DMBT1: variants seen among roughly 807,000 people sequenced by gnomAD.
DMBT1 encodes the protein deleted in malignant brain tumors 1, also known as scavenger receptor cysteine-rich domain-containing protein DMBT1.
DMBT1 carries 198 observed loss-of-function variants against 252.9 expected under a neutral mutation model. That is an observed-to-expected ratio of 0.78 (90% CI 0.70 to 0.88). The LOEUF (loss-of-function observed/expected upper bound fraction) is 0.88, where lower values mean the gene tolerates loss of function less well. Ranked by LOEUF, DMBT1 falls within the 40% of genes least tolerant of loss-of-function variation. The pLI is 0.00. For missense variants in DMBT1, 2,432 were observed against 2,404.7 expected (o/e 1.01, Z -0.24); for synonymous variants, 990 against 942.7 (o/e 1.05, Z -0.92).
chr10:122,597,915 C>G (rs2097898771), intron 24 of DMBT1, 59 bp from the exon 25 acceptor site: 1 of 1,613,066 alleles, frequency 6.2e-7, no homozygotes, highest in Non-Finnish European at 8.5e-7. Flanking sequence ...GAGACCTTTC[C>G]TTTTGGAGAT....
chr10:122,600,359 A>G (rs1297229288), intron 27 of DMBT1, among the ~76,000 whole-genome samples: 1 of 152,160 alleles, frequency 6.6e-6, no homozygotes, highest in Admixed American at 6.5e-5. Flanking sequence ...TTACAGGTTC[A>G]GGAAGTGGCC....
chr10:122,576,851 AC>A, intron 7 of DMBT1, 129 bp downstream of exon 7: 4 of 1,110,718 alleles, frequency 3.6e-6, no homozygotes, highest in Non-Finnish European at 5.2e-6. Context: ...AAGATGGCAA[AC>A]CCCATCTCTA....
intron 45 of DMBT1, 95 bp downstream of exon 45, chr10:122,625,398 G>T (rs971153167): frequency 5.0e-6 from 6 of 1,196,788 alleles, no homozygotes; most frequent in Non-Finnish European, 6.1e-6. Context: ...GACTCCCCCT[G>T]GGGGGGTAAT....
chr10:122,624,271 T>C (rs2098098259), intron 44 of DMBT1, among the ~76,000 whole-genome samples: 1 of 152,192 alleles, frequency 6.6e-6, no homozygotes, highest in South Asian at 2.1e-4. Context: ...GCACTTGAAT[T>C]GCTGGTCACT....
chr10:122,599,147 A>T (rs2133606696), intron 26 of DMBT1, 50 bp downstream of exon 26: 1 of 1,613,210 alleles, frequency 6.2e-7, no homozygotes. Context: ...AGTTTGCTCC[A>T]GAAGAAACTC....
intron 44 of DMBT1, among the ~76,000 whole-genome samples, chr10:122,624,896 A>G (rs968689180): frequency 5.3e-5 from 8 of 152,212 alleles, no homozygotes; most frequent in African/African-American, 1.7e-4. Flanking sequence ...GGTTTTCTCC[A>G]TGACAAGGCT....
At chr10:122,623,581 T>A (rs577729689) in intron 44 of DMBT1, among the ~76,000 whole-genome samples, 212 of 152,378 alleles carry the variant, frequency 1.4e-3, no homozygotes, top group African/African-American at 4.8e-3. Flanking sequence ...GATGTCTTTT[T>A]CATCATGGCC....
intron 16 of DMBT1, among the ~76,000 whole-genome samples, chr10:122,587,311 C>T (rs1311087429): frequency 6.7e-6 from 1 of 148,390 alleles, no homozygotes; most frequent in African/African-American, 2.4e-5. Flanking sequence ...AATAAGGAGG[C>T]ATCAGACCGG....
chr10:122,586,452 T>C, intron 16 of DMBT1, 69 bp downstream of exon 16: 1 of 1,558,684 alleles, frequency 6.4e-7, no homozygotes, highest in Non-Finnish European at 8.7e-7. Flanking sequence ...TATTATGTTC[T>C]AATCTCCTCA....
chr10:122,566,089 A>G (rs2097587952), intron 2 of DMBT1, 93 bp downstream of exon 2: 7 of 1,348,166 alleles, frequency 5.2e-6, no homozygotes, highest in Non-Finnish European at 7.4e-6. Context: ...AGCTGAGGTC[A>G]CAGAGCAAAC....
intron 17 of DMBT1, 151 bp from the exon 18 acceptor site, chr10:122,590,514 T>C: frequency 1.0e-6 from 1 of 1,000,256 alleles, no homozygotes; most frequent in Non-Finnish European, 1.6e-6. Flanking sequence ...TCAAGGAGCA[T>C]CTTTGTGGGG....
chr10:122,587,993 C>T (rs1306852387), intron 16 of DMBT1, among the ~76,000 whole-genome samples: 5 of 148,588 alleles, frequency 3.4e-5, no homozygotes, highest in African/African-American at 1.2e-4. Flanking sequence ...GTTGGGCAGA[C>T]ACATGGGGAG....
intron 15 of DMBT1, 130 bp from the exon 16 acceptor site, chr10:122,585,930 T>G (rs2097785640): frequency 6.7e-7 from 1 of 1,499,498 alleles, no homozygotes; most frequent in African/African-American, 1.4e-5. Context: ...TCTCTGGTTT[T>G]ATTCATATTC....
At position 122,640,219 on chromosome 10, in the gene DMBT1, C is replaced by G; in HGVS notation, c.7122C>G (p.Val2374=). ...ACGTTGCTAATAACACCATCCAGGT[C>G]GAGGAAGTCCAGTATGGCAATTTTG... is the stretch of plus-strand genomic sequence containing the variant. The part of the protein sequence containing the change: ...TIHVANNTIQ[V]EEVQYGNFDV... The change falls in exon 55 of 56, where the codon GTC becomes GTG. Residue 2374 remains valine (V), a synonymous_variant. Coordinates refer to ENST00000338354, the MANE Select transcript of DMBT1 (RefSeq NM_001377530.1). 6.2e-7 allele frequency: 1 copy of G among 1,614,050 alleles called. No homozygotes were observed. Among genetic ancestry groups the G allele is most frequent in the Non-Finnish European group, 8.5e-7 (1 of 1,179,908 alleles).
intron 25 of DMBT1, 106 bp from the exon 26 acceptor site, chr10:122,598,668 T>C: frequency 6.3e-7 from 1 of 1,577,474 alleles, no homozygotes; most frequent in African/African-American, 1.4e-5. Context: ...GGTGACTGCC[T>C]GCCCAGGTGA....
rs141640762 is a variant in DMBT1, at chr10:122,585,889, G to A, written c.1460-171G>A. Among the ~76,000 whole-genome samples, 899 of 148,904 alleles carry A rather than the reference G, an allele frequency of 6.0e-3. 97 individuals carry two copies. The highest frequency in any genetic ancestry group is 0.01 in the Non-Finnish European group (683 of 66,790). On this transcript the variant is annotated intron_variant, in intron 15 of 55. Coordinates refer to ENST00000338354, the MANE Select transcript of DMBT1 (RefSeq NM_001377530.1). ...ACTTGAGCCTTCATAAACCCAGGCA[G>A]AACTGCTTCTTTGACTTTGATGAAG...
At position 122,579,544 on chromosome 10, in the gene DMBT1, G is replaced by A. The variant is rs779104419; in HGVS notation, c.680-34G>A. ...ACCTTAGATTCTTGACCTCATGATA[G>A]GGATGGATGAAGGGTTCTTGTGTTC... On this transcript the variant is annotated intron_variant, in intron 9 of 55. Coordinates refer to ENST00000338354, the MANE Select transcript of DMBT1 (RefSeq NM_001377530.1). The A allele has an allele frequency of 2.5e-6, 4 of 1,612,322 alleles. No homozygotes were observed. The South Asian group carries it at 4.4e-5, about 18-fold the overall frequency.
chr10:122,587,945 G>A (rs983553531), intron 16 of DMBT1, among the ~76,000 whole-genome samples: 4 of 148,336 alleles, frequency 2.7e-5, no homozygotes, highest in Non-Finnish European at 6.0e-5. Flanking sequence ...GGTCTCCAGC[G>A]AGGCCTATGT....
Position 122,643,450 on chromosome 10 carries a change from G to C in DMBT1, c.*52G>C. 6.4e-7 allele frequency: 1 copy of C among 1,553,688 alleles called. No homozygotes were observed. Among genetic ancestry groups the C allele is most frequent in the South Asian group, 1.2e-5 (1 of 84,676 alleles). On this transcript the variant is annotated 3_prime_UTR_variant, in exon 56 of 56. Transcript: ENST00000338354. ...ACCGGGGCGCAGACCCCTGACTCGGGGACTTGGGATGTTCCTCTTGGTGTC... is the reference window on the plus strand; with the variant it reads ...ACCGGGGCGCAGACCCCTGACTCGGCGACTTGGGATGTTCCTCTTGGTGTC...
Sources: allele counts gnomAD v4.1 joint callset (sites outside exome capture counted in the v4.1 genomes callset), GRCh38; gene constraint gnomAD v4.1.1; transcripts MANE v1.5; gene names NCBI Gene and HGNC (gene_info 2026-07-23, HGNC 2026-07-21).